The following OCA2 variants were observed in gnomAD, a reference collection of about 807,000 sequenced individuals.
OCA2 encodes the protein OCA2 melanosomal transmembrane protein.
OCA2 carries 77 observed loss-of-function variants against 100.2 expected under a neutral mutation model. That is an observed-to-expected ratio of 0.77 (90% confidence interval 0.64 to 0.93). OCA2 has a LOEUF of 0.93. Ranked by LOEUF, OCA2 falls within the 40% of genes least tolerant of loss-of-function variation. The pLI is 0.00. For synonymous variants in OCA2, 432 were observed against 439.2 expected, an observed-to-expected ratio of 0.98 and a Z score of 0.21; for missense variants, 1,062 against 1,089.1, an observed-to-expected ratio of 0.98 and a Z score of 0.35.
chr15:28,027,684 A>T (rs2042794766), intron 4 of OCA2, among the ~76,000 whole-genome samples, 187 bp downstream of exon 4: 1 of 152,238 alleles, frequency 6.6e-6, no homozygotes, highest in Non-Finnish European at 1.5e-5. Context: ...CATGATTTGC[A>T]GGAGGTCTTA....
chr15:28,022,541 C>T lies in OCA2; in HGVS notation c.606G>A (p.Lys202=), dbSNP rs2042626043. Residue 202 remains lysine, a synonymous_variant, in exon 6 of 24, where the codon AAG becomes AAA. Coordinates refer to ENST00000354638, the MANE Select transcript of OCA2 (RefSeq NM_000275.3). ...GTGATAAGGCCAACAGCTGCCAGAG[C>T]TTTCCTTGATCCGGATATAGGCTGA... ...ILFSLYPDQG[K]LWQLLALSPL... is the part of the protein sequence containing the mutation. 6.2e-7 allele frequency: 1 copy of T among 1,614,136 alleles called. No individual in the cohort carries two copies. Among genetic ancestry groups the T allele is most frequent in the Non-Finnish European group, 8.5e-7 (1 of 1,179,976 alleles).
intron 19 of OCA2, among the ~76,000 whole-genome samples, chr15:27,878,015 AT>A (rs1360488052): frequency 6.6e-6 from 1 of 150,580 alleles, no homozygotes; most frequent in Admixed American, 6.6e-5. Context: ...ATTTTAATTA[AT>A]TTTTAATTAT....
At chr15:27,905,496 C>G (rs2594908) in intron 19 of OCA2, among the ~76,000 whole-genome samples, 96,333 of 152,064 alleles carry the variant, frequency 0.63, 31,143 homozygotes, top group East Asian at 0.96. Context: ...TCCACCAGAA[C>G]GGGCCAGGGG....
chr15:27,764,151 G>A (rs1040928140), intron 23 of OCA2, among the ~76,000 whole-genome samples: 9 of 150,582 alleles, frequency 6.0e-5, no homozygotes, highest in African/African-American at 1.7e-4. Context: ...GAGGGATACA[G>A]AAAGAGGGAG....
intron 8 of OCA2, 69 bp from the exon 9 acceptor site, chr15:28,014,998 C>T: frequency 1.3e-6 from 2 of 1,520,646 alleles, no homozygotes; most frequent in Non-Finnish European, 1.8e-6. Context: ...CTGTATCAGC[C>T]ATGGCATTAA....
At chr15:27,983,019 G>A (rs2041218346) in intron 14 of OCA2, among the ~76,000 whole-genome samples, 1 of 152,162 alleles carries the variant, frequency 6.6e-6, no homozygotes, top group Non-Finnish European at 1.5e-5. Context: ...AGAGGGAACA[G>A]GTCATTTTGT....
At position 28,016,257 on chromosome 15, in the gene OCA2, C is replaced by T. The variant is rs911787316; in HGVS notation, c.808-71G>A. 17 of 1,150,946 alleles carry T rather than the reference C, an allele frequency of 1.5e-5. No homozygotes were observed. In the South Asian group the frequency reaches 1.7e-4, roughly 12 times the overall value. The allele number at this position is 1,150,946 out of a possible 1,614,324, so 71.3% of individuals were successfully genotyped here. On this transcript the variant is annotated intron_variant, in intron 7 of 23. Transcript: ENST00000354638. ...ACACCATCTGGGATCTGGCACTGCT[C>T]GGTCTAGGTATTTGTTTCAAAAAAG... is the stretch of plus-strand genomic sequence containing the variant.
intron 11 of OCA2, among the ~76,000 whole-genome samples, chr15:27,988,222 C>T (rs1595771205): frequency 6.6e-6 from 1 of 152,006 alleles, no homozygotes; most frequent in East Asian, 1.9e-4. Context: ...TGTAACGACC[C>T]TGTACCCTGC....
chr15:27,901,301 G>A (rs1464152806), intron 19 of OCA2, among the ~76,000 whole-genome samples: 2 of 152,172 alleles, frequency 1.3e-5, no homozygotes, highest in African/African-American at 4.8e-5. Flanking sequence ...CTTCTCCCCA[G>A]CCTTCTCCCC....
chr15:27,986,829 G>A (rs907581577), intron 11 of OCA2, among the ~76,000 whole-genome samples, 186 bp from the exon 12 acceptor site: 7 of 152,074 alleles, frequency 4.6e-5, no homozygotes, highest in African/African-American at 1.7e-4. Context: ...TCCTTGAATG[G>A]AGCCTCTTGC....
At chr15:27,771,449 C>T (rs1376940375) in intron 23 of OCA2, among the ~76,000 whole-genome samples, 1 of 151,624 alleles carries the variant, frequency 6.6e-6, no homozygotes, top group Non-Finnish European at 1.5e-5. Flanking sequence ...CCGTGTGCTC[C>T]GCAGAGGCGT....
chr15:27,941,274 A>G (rs966110367), intron 18 of OCA2, among the ~76,000 whole-genome samples: 1 of 152,242 alleles, frequency 6.6e-6, no homozygotes, highest in Non-Finnish European at 1.5e-5. Context: ...TGATGAATGC[A>G]TATCTAACAC....
chr15:27,780,787 G>A (rs1201535600), intron 23 of OCA2, among the ~76,000 whole-genome samples: 2 of 152,152 alleles, frequency 1.3e-5, no homozygotes, highest in African/African-American at 2.4e-5. Flanking sequence ...GAAGAGGAAC[G>A]GGAGAATCAA....
intron 19 of OCA2, among the ~76,000 whole-genome samples, chr15:27,914,576 G>T (rs1367331325): frequency 6.6e-6 from 1 of 152,002 alleles, no homozygotes; most frequent in Non-Finnish European, 1.5e-5. Flanking sequence ...CAACATTCAA[G>T]CTGAGAGCCA....
the OCA2 span, among the ~76,000 whole-genome samples, chr15:27,736,191 TTG>T: frequency 6.6e-6 from 1 of 152,236 alleles, no homozygotes. Context: ...TATTTTGAAA[TTG>T]TGTATTACAT....
chr15:27,939,295 T>C (rs2039564717), intron 18 of OCA2, among the ~76,000 whole-genome samples: 1 of 152,230 alleles, frequency 6.6e-6, no homozygotes, highest in Non-Finnish European at 1.5e-5. Context: ...TTAATTGAAA[T>C]GTTGGCCATG....
At chr15:27,814,525 T>A (rs2034202825) in intron 23 of OCA2, among the ~76,000 whole-genome samples, 1 of 152,166 alleles carries the variant, frequency 6.6e-6, no homozygotes, top group African/African-American at 2.4e-5. Context: ...GTAAGTTTGG[T>A]TCAGTCAATC....
chr15:27,767,378 C>A (rs2031348364), intron 23 of OCA2, among the ~76,000 whole-genome samples: 1 of 152,200 alleles, frequency 6.6e-6, no homozygotes, highest in African/African-American at 2.4e-5. Flanking sequence ...GGGTGATTGA[C>A]AGGTGAAGCC....
At chr15:28,085,265 C>T (rs887288219) in intron 1 of OCA2, among the ~76,000 whole-genome samples, 1 of 152,160 alleles carries the variant, frequency 6.6e-6, no homozygotes, top group African/African-American at 2.4e-5. Flanking sequence ...CACACCCTTC[C>T]CCCTTTCACT....
Sources: allele counts gnomAD v4.1 joint callset (sites outside exome capture counted in the v4.1 genomes callset), GRCh38; gene constraint gnomAD v4.1.1; transcripts MANE v1.5; gene names NCBI Gene and HGNC (gene_info 2026-07-23, HGNC 2026-07-21).